SLC9A9: variants seen among roughly 807,000 people sequenced by gnomAD.
The protein encoded by SLC9A9 is sodium/hydrogen exchanger 9.
In SLC9A9, 62 loss-of-function variants were observed where a neutral mutation model predicts 77.8. That is an observed-to-expected ratio of 0.80 (90% CI 0.65 to 0.98). The LOEUF is 0.98. Among genes scored for constraint, SLC9A9 ranks in the 50% least tolerant of loss-of-function variants. The pLI is 0.00. For synonymous variants in SLC9A9, 320 were observed against 283.5 expected, an observed-to-expected ratio of 1.13 and a Z score of -1.29; for missense variants, 775 against 774.9, an observed-to-expected ratio of 1.00 and a Z score of 0.00.
chr3:143,272,871 A>G (rs1300907807), intron 14 of SLC9A9, among the ~76,000 whole-genome samples: 1 of 152,242 alleles, frequency 6.6e-6, no homozygotes, highest in African/African-American at 2.4e-5. Flanking sequence ...TTTAAAGGGC[A>G]TAAGTTTGAG....
At chr3:143,798,499 C>T (rs1202200487) in intron 2 of SLC9A9, among the ~76,000 whole-genome samples, 1 of 152,174 alleles carries the variant, frequency 6.6e-6, no homozygotes, top group African/African-American at 2.4e-5. Flanking sequence ...TTGCCTCCTT[C>T]ACTATAGGCA....
At chr3:143,280,542 ATTTTTTTTTTTTT>A (rs58879877) in intron 14 of SLC9A9, among the ~76,000 whole-genome samples, 10 of 118,172 alleles carry the variant, frequency 8.5e-5, no homozygotes, top group Non-Finnish European at 1.2e-4. Context: ...CTAGAACTAC[ATTTTTTTTTTTTT>A]TTTTTTTTTT....
chr3:143,612,547 G>A (rs930505144), intron 6 of SLC9A9, among the ~76,000 whole-genome samples: 7 of 152,222 alleles, frequency 4.6e-5, no homozygotes, highest in African/African-American at 1.7e-4. Flanking sequence ...CTGATCGAAA[G>A]CAGAGGTAAG....
intron 4 of SLC9A9, among the ~76,000 whole-genome samples, chr3:143,713,052 T>C (rs1454683682): frequency 6.6e-6 from 1 of 152,124 alleles, no homozygotes. Flanking sequence ...AAGGCAAGCT[T>C]TCCAGGAAGT....
At chr3:143,738,227 A>G (rs796887719) in intron 4 of SLC9A9, among the ~76,000 whole-genome samples, 9 of 152,306 alleles carry the variant, frequency 5.9e-5, no homozygotes, top group African/African-American at 2.2e-4. Context: ...AATTACTCTT[A>G]CAATGGCCTC....
At chr3:143,339,952 A>C (rs1314621787) in intron 14 of SLC9A9, among the ~76,000 whole-genome samples, 1 of 152,226 alleles carries the variant, frequency 6.6e-6, no homozygotes, top group Non-Finnish European at 1.5e-5. Flanking sequence ...AACTGACATA[A>C]AAAAAGCAAC....
chr3:143,787,168 G>A (rs1356597379), intron 4 of SLC9A9, among the ~76,000 whole-genome samples: 4 of 152,118 alleles, frequency 2.6e-5, no homozygotes, highest in Non-Finnish European at 4.4e-5. Flanking sequence ...ATGGAAGTAA[G>A]CAACATAATC....
At chr3:143,413,753 C>T (rs544469644) in intron 12 of SLC9A9, among the ~76,000 whole-genome samples, 1 of 151,488 alleles carries the variant, frequency 6.6e-6, no homozygotes, top group South Asian at 2.1e-4. Flanking sequence ...ATTGCAGGCA[C>T]CAAAGTACAG....
At chr3:143,816,223 A>G (rs2009013934) in intron 2 of SLC9A9, among the ~76,000 whole-genome samples, 1 of 152,104 alleles carries the variant, frequency 6.6e-6, no homozygotes, top group Non-Finnish European at 1.5e-5. Context: ...ATTATATTCG[A>G]GACAGGGTCT....
chr3:143,372,486 C>G (rs2033079494), intron 13 of SLC9A9, among the ~76,000 whole-genome samples: 1 of 151,996 alleles, frequency 6.6e-6, no homozygotes, highest in Non-Finnish European at 1.5e-5. Flanking sequence ...GGATTAAAGA[C>G]ATAAATCTAA....
At position 143,766,199 on chromosome 3, in the gene SLC9A9, T is replaced by C. The variant is rs954276191; in HGVS notation, c.533+28802A>G. 5.9e-5 allele frequency among the ~76,000 whole-genome samples: 9 copies of C among 152,186 alleles called. No homozygotes were observed. The East Asian group carries it at 9.6e-4, about 16-fold the overall frequency. On this transcript the variant is annotated intron_variant, in intron 4 of 15. Coordinates refer to ENST00000316549, the MANE Select transcript of SLC9A9 (RefSeq NM_173653.4). Reference sequence around the variant, plus strand: ...ATGCATGCTAAGTTCTGGAATAGCATAGAAGTTCTGTTGGACAACAGTGAA... The same window carrying C: ...ATGCATGCTAAGTTCTGGAATAGCACAGAAGTTCTGTTGGACAACAGTGAA...
chr3:143,402,479 G>T (rs1201390233), intron 12 of SLC9A9, among the ~76,000 whole-genome samples: 1 of 119,652 alleles, frequency 8.4e-6, no homozygotes, highest in Admixed American at 9.2e-5. Flanking sequence ...AGAACTGAAA[G>T]ATACTTTCTT....
chr3:143,640,019 CT>C lies in SLC9A9; in HGVS notation c.755+12235del, dbSNP rs10575577. On this transcript the variant is annotated intron_variant, in intron 6 of 15. Transcript: ENST00000316549. ...GTCAGTAATTCCTTTCTTTTTTTTT[CT>C]TTTTTTTTTTTTTTTTTTTGAGATG... 3.4e-3 allele frequency among the ~76,000 whole-genome samples: 422 copies of C among 124,076 alleles called. 1 individual carries two copies. The highest frequency in any genetic ancestry group is 9.0e-3 in the African/African-American group (292 of 32,496). The allele number at this position is 124,076 out of a possible 152,430, so 81.4% of individuals were successfully genotyped here.
chr3:143,291,180 C>T (rs2029936041), intron 14 of SLC9A9, among the ~76,000 whole-genome samples: 1 of 152,198 alleles, frequency 6.6e-6, no homozygotes, highest in African/African-American at 2.4e-5. Flanking sequence ...TCATCCTTCA[C>T]ATGCCGTCAC....
intron 5 of SLC9A9, among the ~76,000 whole-genome samples, chr3:143,652,694 T>C (rs1270006063): frequency 6.6e-6 from 1 of 151,862 alleles, no homozygotes; most frequent in African/African-American, 2.4e-5. Context: ...GTGTAGTTTC[T>C]TAACTACCTT....
chr3:143,595,910 C>A (rs985987086), intron 6 of SLC9A9, among the ~76,000 whole-genome samples: 2 of 152,150 alleles, frequency 1.3e-5, no homozygotes, highest in Non-Finnish European at 1.5e-5. Context: ...ACAATAGATT[C>A]TAATATGCTG....
chr3:143,493,915 C>A, intron 10 of SLC9A9, 151 bp from the exon 11 acceptor site: 1 of 668,696 alleles, frequency 1.5e-6, no homozygotes, highest in South Asian at 1.7e-5. Context: ...CAACTTGCTT[C>A]CAAAATTTAT....
chr3:143,391,731 A>C (rs573963837), intron 12 of SLC9A9, among the ~76,000 whole-genome samples: 4 of 152,242 alleles, frequency 2.6e-5, no homozygotes, highest in Non-Finnish European at 5.9e-5. Flanking sequence ...GCTAACTAGA[A>C]TAACCAGTGT....
intron 4 of SLC9A9, among the ~76,000 whole-genome samples, chr3:143,751,368 C>T (rs1377954352): frequency 1.3e-5 from 2 of 152,168 alleles, no homozygotes; most frequent in African/African-American, 2.4e-5. Context: ...CCCCCCACTG[C>T]GGCAAAGAGG....
Sources: gnomAD v4.1 joint callset for allele counts (sites outside exome capture counted in the v4.1 genomes callset) on GRCh38, gnomAD v4.1.1 for gene constraint, MANE v1.5 for transcripts, NCBI Gene and HGNC (gene_info 2026-07-23, HGNC 2026-07-21) for gene names.